PLB1: variants seen among roughly 807,000 people sequenced by gnomAD.
The protein encoded by PLB1 is phospholipase B1, membrane-associated.
Under a neutral mutation model 227.4 loss-of-function variants are expected in PLB1, and 242 were observed. That is an observed-to-expected ratio of 1.06 (90% CI 0.96 to 1.18). PLB1 has a LOEUF of 1.18. PLB1 is among the 50% of genes most tolerant of loss of function. The pLI, the probability that PLB1 is intolerant of heterozygous loss-of-function variation, is 0.00. For synonymous variants in PLB1, 757 were observed against 682.2 expected (o/e 1.11, Z -1.71); for missense variants, 1,858 against 1,816.3 (o/e 1.02, Z -0.42).
intron 14 of PLB1, among the ~76,000 whole-genome samples, chr2:28,544,741 G>A (rs1009696311): frequency 1.3e-5 from 2 of 152,178 alleles, no homozygotes; most frequent in African/African-American, 4.8e-5. Flanking sequence ...GTTGGAGGAG[G>A]TCACGGAGGG....
chr2:28,529,540 C>T, intron 7 of PLB1, 133 bp downstream of exon 7: 1 of 934,454 alleles, frequency 1.1e-6, no homozygotes, highest in East Asian at 2.6e-5. Context: ...AGCCCAAATG[C>T]CCCCTCAAGC....
At chr2:28,520,081 AC>A (rs1448987313) in intron 4 of PLB1, among the ~76,000 whole-genome samples, 1 of 151,886 alleles carries the variant, frequency 6.6e-6, no homozygotes. Context: ...GGCATGCGCC[AC>A]CATGCCTGGC....
chr2:28,559,947 T>C (rs904994410), intron 17 of PLB1, among the ~76,000 whole-genome samples: 2 of 152,058 alleles, frequency 1.3e-5, no homozygotes, highest in African/African-American at 2.4e-5. Flanking sequence ...AGACGGGGTT[T>C]CATCATTTTG....
At chr2:28,595,648 C>T (rs1263655485) in intron 33 of PLB1, 1 of 152,114 alleles carries the variant, frequency 6.6e-6, no homozygotes, top group Non-Finnish European at 1.5e-5. Flanking sequence ...TTAACACCTC[C>T]TGAAAGTGTT....
intron 51 of PLB1, among the ~76,000 whole-genome samples, chr2:28,627,378 C>T (rs901503029): frequency 2.0e-5 from 3 of 152,150 alleles, no homozygotes; most frequent in South Asian, 2.1e-4. Flanking sequence ...ACACTGTGGA[C>T]GCTGGCGTAG....
At chr2:28,534,912 A>G (rs1671490390) in intron 9 of PLB1, among the ~76,000 whole-genome samples, 1 of 152,134 alleles carries the variant, frequency 6.6e-6, no homozygotes, top group African/African-American at 2.4e-5. Flanking sequence ...CGCCTGGAGT[A>G]GATTCTTATA....
At chr2:28,550,526 T>C (rs544010305) in intron 16 of PLB1, among the ~76,000 whole-genome samples, 2 of 49,212 alleles carry the variant, frequency 4.1e-5, no homozygotes, top group East Asian at 7.4e-4. Flanking sequence ...CTCAATACAA[T>C]TTTTTTTTTT....
At chr2:28,547,245 T>G (rs1038813479) in intron 14 of PLB1, among the ~76,000 whole-genome samples, 3 of 144,502 alleles carry the variant, frequency 2.1e-5, no homozygotes, top group African/African-American at 2.5e-5. Flanking sequence ...GAAGAGAAGG[T>G]GGCAAGACAG....
At chr2:28,515,720 C>T (rs1376354706) in intron 1 of PLB1, among the ~76,000 whole-genome samples, 1 of 152,168 alleles carries the variant, frequency 6.6e-6, no homozygotes, top group East Asian at 1.9e-4. Flanking sequence ...TTTGGCATTG[C>T]TAATGTTGTT....
intron 15 of PLB1, 31 bp downstream of exon 15, chr2:28,548,962 TA>T: frequency 6.2e-7 from 1 of 1,608,592 alleles, no homozygotes; most frequent in Non-Finnish European, 8.5e-7. Flanking sequence ...GAGGGACTCT[TA>T]TTGAATCGAG....
intron 33 of PLB1, chr2:28,594,141 CTTGTAGT>C: frequency 2.0e-6 from 1 of 499,292 alleles, no homozygotes; most frequent in Admixed American, 2.3e-5. Flanking sequence ...TTCATGTTGT[CTTGTAGT>C]CACACAGCTG....
At chr2:28,501,382 A>T (rs1667082655) in intron 1 of PLB1, among the ~76,000 whole-genome samples, 1 of 152,196 alleles carries the variant, frequency 6.6e-6, no homozygotes, top group Non-Finnish European at 1.5e-5. Context: ...TATCCCACTC[A>T]GGGTGTATAA....
chr2:28,638,653 T>TG (rs935759165), intron 56 of PLB1, among the ~76,000 whole-genome samples: 44 of 151,444 alleles, frequency 2.9e-4, no homozygotes, highest in African/African-American at 1.0e-3. Flanking sequence ...CTTTTTGGTT[T>TG]GGGGTCTAAG....
intron 17 of PLB1, among the ~76,000 whole-genome samples, chr2:28,559,441 T>A (rs1157948756): frequency 1.3e-5 from 2 of 152,206 alleles, no homozygotes; most frequent in Non-Finnish European, 2.9e-5. Context: ...TGAGTTTGTA[T>A]CCTTTCATAG....
chr2:28,628,743 C>A, intron 52 of PLB1, 115 bp downstream of exon 52: 1 of 1,037,956 alleles, frequency 9.6e-7, no homozygotes, highest in Non-Finnish European at 1.5e-6. Context: ...GAGTGAGCAC[C>A]TGGATGGCAG....
intron 14 of PLB1, 135 bp from the exon 15 acceptor site, chr2:28,548,725 A>T: frequency 1.3e-6 from 1 of 793,508 alleles, no homozygotes. Context: ...TAGTTTGGGG[A>T]TGGGGGCTGG....
At chr2:28,640,009 A>T (rs1255186258) in intron 56 of PLB1, among the ~76,000 whole-genome samples, 1 of 152,216 alleles carries the variant, frequency 6.6e-6, no homozygotes, top group Non-Finnish European at 1.5e-5. Context: ...TCCCAGGAAC[A>T]GAACTGCCCT....
At chr2:28,611,858 G>A (rs1171534738) in intron 43 of PLB1, among the ~76,000 whole-genome samples, 1 of 151,974 alleles carries the variant, frequency 6.6e-6, no homozygotes, top group East Asian at 1.9e-4. Context: ...AGGATGTCAG[G>A]GGCTGGGCGC....
intron 1 of PLB1, among the ~76,000 whole-genome samples, chr2:28,500,964 T>G (rs962825141): frequency 6.6e-6 from 1 of 152,182 alleles, no homozygotes; most frequent in African/African-American, 2.4e-5. Context: ...ATTTCCTCTA[T>G]CCCAAACCTG....
Sources: gnomAD v4.1 joint callset for allele counts (sites outside exome capture counted in the v4.1 genomes callset) on GRCh38, gnomAD v4.1.1 for gene constraint, MANE v1.5 for transcripts, NCBI Gene and HGNC (gene_info 2026-07-23, HGNC 2026-07-21) for gene names.